The following LHX6 variants were observed in gnomAD, a reference collection of about 807,000 sequenced individuals.
LHX6 encodes the protein LIM homeobox 6.
LHX6 carries 15 observed loss-of-function variants against 47.1 expected under a neutral mutation model. The ratio of observed to expected loss-of-function variants is 0.32; its 90% CI spans 0.21 to 0.49. LHX6 has a LOEUF of 0.49. LHX6 is among the 20% of genes least tolerant of loss of function. The probability of loss-of-function intolerance (pLI) is 0.99; values close to 1 mark genes in which losing one functional copy is unlikely to be tolerated. For missense variants in LHX6, 404 were observed against 539.6 expected (o/e 0.75, Z 2.49); for synonymous variants, 242 against 233.5 (o/e 1.04, Z -0.33).
intron 4 of LHX6, among the ~76,000 whole-genome samples, chr9:122,218,958 C>T (rs1273298272): frequency 6.6e-6 from 1 of 152,184 alleles, no homozygotes; most frequent in East Asian, 1.9e-4. Flanking sequence ...TGGCTCTTCT[C>T]TTCCACCCCT....
rs542907528 is a variant in LHX6, at chr9:122,228,713, G to A, written c.28C>T (p.Pro10Ser). ...AGCCGGCAGCCCTCGGGCAACGCCG[G>A]GGCGGCGTTCTCATGCTTCCAGTAC... MYWKHENAA[P>S]ALPEGCRLPA... Residue 10 changes from proline to serine, a missense_variant, in exon 1 of 10, where the codon CCG becomes TCG. Coordinates refer to ENST00000394319, the MANE Select transcript of LHX6 (RefSeq NM_014368.5). 5.1e-5 allele frequency: 66 copies of A among 1,292,282 alleles called. No homozygotes were observed. In the South Asian group the frequency reaches 1.7e-3, roughly 34 times the overall value. 80.1% of individuals were successfully genotyped at this position (1,292,282 alleles called of 1,614,324 possible).
intron 9 of LHX6, among the ~76,000 whole-genome samples, chr9:122,207,797 C>T (rs577905027): frequency 3.3e-5 from 5 of 152,240 alleles, no homozygotes; most frequent in East Asian, 3.9e-4. Flanking sequence ...GTCCCCACCC[C>T]GGCTGCCCGT....
rs756775093 is a variant in LHX6, at chr9:122,213,910, C to G, written c.879+64G>C. On this transcript the variant is annotated intron_variant, in intron 7 of 9. Transcript: ENST00000394319. The surrounding 1 kb of genome is among the most constrained non-coding windows in gnomAD (Gnocchi z 5.5). ...CACGTGCACGCACCACCCTCCGCGC[C>G]GAGCCCAGCTACGAGCTCCGGGGCG... The G allele has an allele frequency of 1.9e-6, 3 of 1,541,294 alleles. No individual in the cohort carries two copies. The highest frequency in any genetic ancestry group is 1.1e-5 in the South Asian group (1 of 87,528).
chr9:122,216,168 G>T (rs1429225365), intron 5 of LHX6, among the ~76,000 whole-genome samples: 2 of 152,270 alleles, frequency 1.3e-5, no homozygotes, highest in East Asian at 1.9e-4. Context: ...AAATGGGGCC[G>T]TGCCACCTAC....
At chr9:122,228,348 C>T in intron 1 of LHX6, 2 of 1,531,944 alleles carry the variant, frequency 1.3e-6, no homozygotes, top group South Asian at 2.4e-5. Context: ...CGGCACAACC[C>T]CCGGCGCATC....
At chr9:122,211,206 A>G (rs971064473) in intron 8 of LHX6, among the ~76,000 whole-genome samples, 1 of 152,324 alleles carries the variant, frequency 6.6e-6, no homozygotes, top group East Asian at 1.9e-4. Context: ...AGGGCATTGT[A>G]GAGACACTTA....
At chr9:122,216,928 G>A (rs547699345) in intron 5 of LHX6, 140 bp downstream of exon 5, 1 of 679,198 alleles carries the variant, frequency 1.5e-6, no homozygotes, top group Admixed American at 2.7e-5. Flanking sequence ...TCTGTTCGCC[G>A]CCCCACCCCT....
rs936461709 is a variant in LHX6 at position 122,221,511 on chromosome 9, T to C, written c.462-4223A>G. The C allele has an allele frequency of 7.0e-5, 69 of 985,420 alleles. No homozygotes were observed. The African/African-American group carries it at 1.1e-3, about 16-fold the overall frequency. 61.0% of individuals were successfully genotyped at this position (985,420 alleles called of 1,614,324 possible). ...GAGAAGGCTAGGGGCTTGCATGAAG[T>C]CGTTTGGGCCTAGCTGGGAAGAGGA... On this transcript the variant is annotated intron_variant, in intron 4 of 9. Transcript: ENST00000394319.
intron 4 of LHX6, among the ~76,000 whole-genome samples, chr9:122,225,660 G>A (rs1831062989): frequency 6.6e-6 from 1 of 152,272 alleles, no homozygotes; most frequent in Non-Finnish European, 1.5e-5. Flanking sequence ...CCAAAGTCGG[G>A]CCAAAACAAC....
rs569961333 is a variant in LHX6 at position 122,210,175 on chromosome 9, C to A, written c.1055-458G>T. Among the ~76,000 whole-genome samples the A allele has an allele frequency of 2.6e-5, 4 of 152,186 alleles. No homozygotes were observed. The South Asian group carries it at 8.3e-4, about 32-fold the overall frequency. ...CCTCATGATCTGCCCGCCTCGGCCT[C>A]CCAAAGTGCTGGGATTACAGGCATG... On this transcript the variant is annotated intron_variant, in intron 8 of 9. Transcript: ENST00000394319.
intron 4 of LHX6, among the ~76,000 whole-genome samples, chr9:122,219,371 C>G (rs1045368689): frequency 1.3e-5 from 2 of 152,212 alleles, no homozygotes; most frequent in Non-Finnish European, 2.9e-5. Context: ...CTCGGAAACG[C>G]GGCTTCCCCA....
rs753321053 is a variant in LHX6, at chr9:122,213,871, T to C, written c.880-91A>G. ...CAGGCGGGACTGCCTCGTCGCCTCCTGGAGAAGGATGGCCACGTGCACGCA... is the reference window on the plus strand; with the variant it reads ...CAGGCGGGACTGCCTCGTCGCCTCCCGGAGAAGGATGGCCACGTGCACGCA... On this transcript the variant is annotated intron_variant, in intron 7 of 9. Coordinates refer to ENST00000394319, the MANE Select transcript of LHX6 (RefSeq NM_014368.5). This position sits in a 1 kb window ranked among gnomAD's most constrained non-coding sequence, Gnocchi z 5.5. The C allele has an allele frequency of 4.6e-6, 7 of 1,513,294 alleles. No homozygotes were observed. Among genetic ancestry groups the C allele is most frequent in the Middle Eastern group, 3.4e-4 (2 of 5,852 alleles). The allele number at this position is 1,513,294 out of a possible 1,614,324, so 93.7% of individuals were successfully genotyped here.
At position 122,227,251 on chromosome 9, in the gene LHX6, A is replaced by G. The variant is rs529479907; in HGVS notation, c.156+158T>C. ...CTGGGTGCTGGGAGCGGTTAAAGCC[A>G]ACATTCCCTGCCGGAAAACCGAGGC... On this transcript the variant is annotated intron_variant, in intron 2 of 9. Transcript: ENST00000394319. The G allele has an allele frequency of 2.6e-5, 23 of 893,568 alleles. No homozygotes were observed. The Admixed American group carries it at 7.8e-4, about 30-fold the overall frequency. The allele number at this position is 893,568 out of a possible 1,614,324, so 55.4% of individuals were successfully genotyped here.
At position 122,214,034 on chromosome 9, in the gene LHX6, G is replaced by C. The variant is rs1588343926; in HGVS notation, c.819C>G (p.Pro273=). 6.2e-7 allele frequency: 1 copy of C among 1,602,110 alleles called. No homozygotes were observed. The highest frequency in any genetic ancestry group is 8.5e-7 in the Non-Finnish European group (1 of 1,179,536). ...MQAQFAQDNN[P]DAQTLQKLAD... is the part of the protein sequence containing the mutation. ...CCAGCTTCTGCAGCGTCTGAGCGTC[G>C]GGGTTGTTGTCCTGCGCGAACTGCG... The change falls in exon 7 of 10, where the codon CCC becomes CCG. Residue 273 remains proline, a synonymous_variant. Transcript: ENST00000394319. This position sits in a 1 kb window ranked among gnomAD's most constrained non-coding sequence, Gnocchi z 4.6.
In LHX6 at chr9:122,217,382, C is replaced by G. The variant is rs367612355; in HGVS notation, c.462-94G>C. ...CAATGGCCCGCCAGCCCCCAGGCTC[C>G]TGGCCTCTAAGTCTTCAACTCAGGC... On this transcript the variant is annotated intron_variant, in intron 4 of 9. Transcript: ENST00000394319. This position sits in a 1 kb window ranked among gnomAD's most constrained non-coding sequence, Gnocchi z 4.9. 29 of 1,033,060 alleles carry G rather than the reference C, an allele frequency of 2.8e-5. No homozygotes were observed. In the African/African-American group the frequency reaches 3.9e-4, roughly 14 times the overall value. 64.0% of individuals were successfully genotyped at this position (1,033,060 alleles called of 1,614,324 possible).
At chr9:122,220,020 C>A (rs1025037014) in intron 4 of LHX6, among the ~76,000 whole-genome samples, 1 of 152,208 alleles carries the variant, frequency 6.6e-6, no homozygotes, top group Non-Finnish European at 1.5e-5. Context: ...CATCAGAAGC[C>A]GGGCAAGAGC....
chr9:122,225,915 C>T (rs1377640815), intron 4 of LHX6, among the ~76,000 whole-genome samples: 1 of 152,210 alleles, frequency 6.6e-6, no homozygotes, highest in Non-Finnish European at 1.5e-5. Context: ...CGAAGCCCAG[C>T]TCAGCGTCCA....
In LHX6 at chr9:122,226,726, C is replaced by A; in HGVS notation, c.339+122G>T. ...AGACCCTAAGTCTTGCCCAAAGCTTCGCAGTCGGGCAGCAGTGGAGCCAGG... is the reference window on the plus strand; with the variant it reads ...AGACCCTAAGTCTTGCCCAAAGCTTAGCAGTCGGGCAGCAGTGGAGCCAGG... On this transcript the variant is annotated intron_variant, in intron 3 of 9. Coordinates refer to ENST00000394319, the MANE Select transcript of LHX6 (RefSeq NM_014368.5). This position sits in a 1 kb window ranked among gnomAD's most constrained non-coding sequence, Gnocchi z 6.5. The A allele has an allele frequency of 2.3e-6, 3 of 1,284,112 alleles. No individual in the cohort carries two copies. The East Asian group carries it at 7.7e-5, about 33-fold the overall frequency. 79.5% of individuals were successfully genotyped at this position (1,284,112 alleles called of 1,614,324 possible).
intron 2 of LHX6, 142 bp from the exon 3 acceptor site, chr9:122,227,172 A>AT: frequency 1.2e-6 from 1 of 841,676 alleles, no homozygotes; most frequent in South Asian, 1.9e-5. Flanking sequence ...AAGGACAGGG[A>AT]TGGAAGGGCC....
Sources: allele counts gnomAD v4.1 joint callset (sites outside exome capture counted in the v4.1 genomes callset), GRCh38; gene constraint gnomAD v4.1.1; non-coding constraint Gnocchi (gnomAD v3.1); transcripts MANE v1.5; gene names NCBI Gene and HGNC (gene_info 2026-07-23, HGNC 2026-07-21).